UGT2B11: variants seen among roughly 807,000 people sequenced by gnomAD.
UGT2B11 encodes UDP-glucuronosyltransferase 2B11.
UGT2B11 carries 49 observed loss-of-function variants against 51.7 expected under a neutral mutation model. The observed-to-expected ratio is 0.95, with a 90% confidence interval of 0.75 to 1.20. The LOEUF is 1.20. Among genes scored for constraint, UGT2B11 ranks in the 50% most tolerant of loss-of-function variants. UGT2B11 has a pLI of 0.00. For missense variants in UGT2B11, 810 were observed against 622.1 expected (o/e 1.30, Z -3.21); for synonymous variants, 273 against 209.0 (o/e 1.31, Z -2.64).
rs1721929379 is a variant in UGT2B11, at chr4:69,208,211, G to T, written c.1002+140C>A. ...TGAGGCACAACTATTACTTGTGTTG[G>T]TGGAAGCAACATAAGCATATTTAAG... is the stretch of plus-strand genomic sequence containing the variant. On this transcript the variant is annotated intron_variant, in intron 3 of 5. Coordinates refer to ENST00000446444, the MANE Select transcript of UGT2B11 (RefSeq NM_001073.3). The T allele has an allele frequency of 5.4e-6, 8 of 1,486,912 alleles. No individual in the cohort carries two copies. The South Asian group carries it at 6.6e-5, about 12-fold the overall frequency. The allele number at this position is 1,486,912 out of a possible 1,614,324, so 92.1% of individuals were successfully genotyped here. A position where few individuals can be genotyped will look rare whatever the true frequency, so the allele number is the denominator to read the frequency against.
At chr4:69,202,025 A>G (rs1380223276) in intron 5 of UGT2B11, among the ~76,000 whole-genome samples, 1 of 151,782 alleles carries the variant, frequency 6.6e-6, no homozygotes, top group Admixed American at 6.6e-5. Flanking sequence ...CTGACTTCGA[A>G]TAACAACATT....
chr4:69,200,579 G>A lies in UGT2B11; in HGVS notation c.1451C>T (p.Thr484Ile), dbSNP rs138369385. 20 of 1,612,328 alleles carry A rather than the reference G, an allele frequency of 1.2e-5. No individual in the cohort carries two copies. Among genetic ancestry groups the A allele is most frequent in the Middle Eastern group, 1.6e-4 (1 of 6,066 alleles). The stretch of plus-strand genomic sequence containing the variant: ...ATCCAAAGAGTGGTACTGGAACCAG[G>A]TGAGGTCATGGGCTGCAACTCGAAG... ...KHLRVAAHDL[T>I]WFQYHSLDVI... Residue 484 changes from threonine (T) to isoleucine (I), a missense_variant, in exon 6 of 6, where the codon ACC (threonine) becomes ATC (isoleucine). Coordinates refer to ENST00000446444, the MANE Select transcript of UGT2B11 (RefSeq NM_001073.3).
chr4:69,223,382 G>A, the UGT2B11 span, among the ~76,000 whole-genome samples: 12 of 152,282 alleles, frequency 7.9e-5, no homozygotes, highest in East Asian at 2.3e-3. Context: ...GCCCAGATGT[G>A]CTCAAAGCTC....
chr4:69,202,660 A>C (rs909206673), intron 5 of UGT2B11, among the ~76,000 whole-genome samples: 7 of 151,716 alleles, frequency 4.6e-5, no homozygotes, highest in South Asian at 4.1e-4. Flanking sequence ...TGTGTTCTTC[A>C]AATGTTTTAT....
At chr4:69,206,895 T>G (rs1320900708) in intron 3 of UGT2B11, among the ~76,000 whole-genome samples, 3 of 151,548 alleles carry the variant, frequency 2.0e-5, no homozygotes, top group African/African-American at 7.3e-5. Context: ...GTCCTTTGAT[T>G]GACAAAATAG....
intron 2 of UGT2B11, 134 bp downstream of exon 2, chr4:69,212,439 A>G (rs1722101523): frequency 3.4e-6 from 5 of 1,451,122 alleles, no homozygotes; most frequent in Admixed American, 5.0e-5. Flanking sequence ...TGAGTTTCTA[A>G]TTAGTATCTG....
chr4:69,224,245 G>T, the UGT2B11 span, among the ~76,000 whole-genome samples: 1 of 152,114 alleles, frequency 6.6e-6, no homozygotes, highest in Admixed American at 6.5e-5. Context: ...AGGAGGAAGG[G>T]GTCAGAAGAT....
At chr4:69,211,504 T>A (rs1469445756) in intron 2 of UGT2B11, among the ~76,000 whole-genome samples, 1 of 151,610 alleles carries the variant, frequency 6.6e-6, no homozygotes, top group African/African-American at 2.4e-5. Context: ...TGTTAAGTAG[T>A]TAGTAGTATT....
upstream of UGT2B11, among the ~76,000 whole-genome samples, chr4:69,217,538 C>T (rs965385364): frequency 1.3e-5 from 2 of 151,980 alleles, no homozygotes; most frequent in Non-Finnish European, 2.9e-5. Context: ...ACTGACATAC[C>T]TCACCTATAA....
chr4:69,213,461 T>C (rs1446411420), intron 1 of UGT2B11, among the ~76,000 whole-genome samples: 3 of 151,716 alleles, frequency 2.0e-5, no homozygotes, highest in Non-Finnish European at 4.4e-5. Flanking sequence ...AGTATAGAAA[T>C]ATTAGAAACT....
chr4:69,214,439 T>C lies in UGT2B11; in HGVS notation c.284A>G (p.Lys95Arg), dbSNP rs541161999. The change falls in exon 1 of 6, where the codon AAG (lysine) becomes AGG (arginine). Residue 95 changes from lysine to arginine, a missense_variant. Physicochemically the swap from Lys to Arg is conservative, Grantham distance 26. Transcript: ENST00000446444. ...EFENIIMQQVKRWSDIRKDSF... is the reference protein window; with the variant it reads ...EFENIIMQQVRRWSDIRKDSF... ...ATCTTTTCGAATGTCTGACCATCTC[T>C]TAACCTGTTGCATGATGATATTCTC... is the stretch of plus-strand genomic sequence containing the variant. The C allele has an allele frequency of 5.6e-6, 9 of 1,613,308 alleles. No individual in the cohort carries two copies. In the East Asian group the frequency reaches 1.6e-4, roughly 28 times the overall value.
chr4:69,208,783 C>A (rs1023514275), intron 2 of UGT2B11, among the ~76,000 whole-genome samples: 33 of 151,370 alleles, frequency 2.2e-4, no homozygotes, highest in African/African-American at 8.0e-4. Flanking sequence ...AAAAATATAC[C>A]CAGACCCTTC....
chr4:69,209,012 C>T (rs147156025), intron 2 of UGT2B11, among the ~76,000 whole-genome samples: 8,423 of 151,472 alleles, frequency 0.056, 152 homozygotes, highest in South Asian at 0.11. Context: ...CATTTATGTT[C>T]CTCTACAATG....
At chr4:69,201,997 C>T (rs1374539750) in intron 5 of UGT2B11, among the ~76,000 whole-genome samples, 1 of 151,710 alleles carries the variant, frequency 6.6e-6, no homozygotes, top group African/African-American at 2.4e-5. Context: ...TACTTTTGTC[C>T]TCCAACTAAG....
the UGT2B11 span, among the ~76,000 whole-genome samples, chr4:69,224,402 G>T: frequency 2.0e-5 from 3 of 152,038 alleles, no homozygotes; most frequent in Non-Finnish European, 4.4e-5. Flanking sequence ...AGTATGAACC[G>T]GATCCAGACT....
Position 69,204,646 on chromosome 4 carries a change from T to A in UGT2B11, c.1094A>T (p.His365Leu), listed in dbSNP as rs539868084. The A allele has an allele frequency of 1.8e-5, 29 of 1,611,484 alleles. No homozygotes were observed. Among genetic ancestry groups the A allele is most frequent in the East Asian group, 2.2e-5 (1 of 44,734 alleles). The change falls in exon 5 of 6, where the codon CAT becomes CTT. Residue 365 changes from histidine to leucine, a missense_variant. Coordinates refer to ENST00000446444, the MANE Select transcript of UGT2B11 (RefSeq NM_001073.3). ...AGTTATAAAAGCTCTGGTTTTTGGA[T>A]GACCTAGGATTGGATGAATTTTAGC... Reference protein sequence around the residue: ...KWIPQNDLLGHPKTRAFITHG... With the variant: ...KWIPQNDLLGLPKTRAFITHG...
At chr4:69,219,746 A>G (rs1185909625), upstream of UGT2B11, among the ~76,000 whole-genome samples, 3 of 152,124 alleles carry the variant, frequency 2.0e-5, no homozygotes, top group East Asian at 3.9e-4. Context: ...TAGCATGGGA[A>G]AAATGCGCTA....
upstream of UGT2B11, chr4:69,216,663 A>C (rs988947051): frequency 1.2e-4 from 18 of 151,796 alleles, no homozygotes; most frequent in African/African-American, 4.1e-4. Flanking sequence ...TTTCTTTATA[A>C]CTTTCTCTAA....
chr4:69,212,965 A>G (rs1321861944), intron 1 of UGT2B11, among the ~76,000 whole-genome samples: 3 of 151,516 alleles, frequency 2.0e-5, no homozygotes, highest in African/African-American at 7.2e-5. Flanking sequence ...TCAAGTCAGT[A>G]TACTCACAAT....
Sources: allele counts gnomAD v4.1 joint callset (sites outside exome capture counted in the v4.1 genomes callset), GRCh38; gene constraint gnomAD v4.1.1; transcripts MANE v1.5; gene names NCBI Gene and HGNC (gene_info 2026-07-23, HGNC 2026-07-21).